Variants in KMT2C observed in about 807,000 individuals in gnomAD.
KMT2C encodes lysine methyltransferase 2C.
In KMT2C, 88 loss-of-function variants were observed where a neutral mutation model predicts 507.9. The ratio of observed to expected loss-of-function variants is 0.17; its 90% CI spans 0.15 to 0.21. The LOEUF (loss-of-function observed/expected upper bound fraction) is 0.21, where lower values mean the gene tolerates loss of function less well. KMT2C is among the 10% of genes least tolerant of loss of function. The pLI, the probability that KMT2C is intolerant of heterozygous loss-of-function variation, is 1.00. For missense variants in KMT2C, 4,954 were observed against 5,957.8 expected (o/e 0.83, Z 5.55); for synonymous variants, 2,049 against 2,080.8 (o/e 0.98, Z 0.42).
In KMT2C at chr7:152,222,029, T is replaced by C. The variant is rs1297429572; in HGVS notation, c.3471A>G (p.Ala1157=). The C allele has an allele frequency of 6.2e-7, 1 of 1,605,698 alleles. No homozygotes were observed. The highest frequency in any genetic ancestry group is 2.2e-5 in the East Asian group (1 of 44,542). ...GCTCTTTTACTTTTGTGACAATTTG[T>C]GCTACAAGTGAAGATTCACAGCAGT... ...SSDCCESSLV[A]QIVTKVKELD... The change falls in exon 22 of 59, where the codon GCA becomes GCG. Residue 1157 remains alanine (A), a synonymous_variant. Transcript: ENST00000262189.
chr7:152,334,147 C>T (rs2096910373), intron 2 of KMT2C, among the ~76,000 whole-genome samples: 1 of 152,082 alleles, frequency 6.6e-6, no homozygotes, highest in Non-Finnish European at 1.5e-5. Context: ...GAACAAGGCA[C>T]ATAAACCTGT....
chr7:152,274,269 G>A (rs923470305), intron 6 of KMT2C, among the ~76,000 whole-genome samples: 57 of 151,736 alleles, frequency 3.8e-4, no homozygotes, highest in Non-Finnish European at 8.8e-5. Context: ...TTATTTATGA[G>A]ACATATTACT....
intron 55 of KMT2C, among the ~76,000 whole-genome samples, chr7:152,141,168 A>G (rs2090488704): frequency 6.6e-6 from 1 of 152,162 alleles, no homozygotes; most frequent in Non-Finnish European, 1.5e-5. Context: ...TGAGCCCCAG[A>G]GGCAGAGGTT....
At chr7:152,245,275 C>T (rs4024459) in intron 14 of KMT2C, among the ~76,000 whole-genome samples, 6,707 of 151,630 alleles carry the variant, frequency 0.044, 233 homozygotes, top group South Asian at 0.09. Context: ...CCAATAATTC[C>T]GGAACTGCTG....
At chr7:152,310,504 G>A (rs1217087403) in intron 5 of KMT2C, among the ~76,000 whole-genome samples, 1 of 152,164 alleles carries the variant, frequency 6.6e-6, no homozygotes, top group Non-Finnish European at 1.5e-5. Context: ...GACAGAGGTT[G>A]CAGTGAGCTG....
At chr7:152,310,443 T>C (rs184240315) in intron 5 of KMT2C, among the ~76,000 whole-genome samples, 370 of 152,268 alleles carry the variant, frequency 2.4e-3, no homozygotes, top group African/African-American at 8.6e-3. Flanking sequence ...TGCACGCCTG[T>C]AATTCCAGCT....
At chr7:152,293,923 T>G (rs920076246) in intron 6 of KMT2C, among the ~76,000 whole-genome samples, 2 of 152,066 alleles carry the variant, frequency 1.3e-5, no homozygotes, top group African/African-American at 4.8e-5. Context: ...AGTGGTGCAA[T>G]CTCAGCTGAC....
At chr7:152,416,773 C>T (rs916270300) in intron 1 of KMT2C, among the ~76,000 whole-genome samples, 3 of 149,368 alleles carry the variant, frequency 2.0e-5, no homozygotes, top group East Asian at 2.0e-4. Flanking sequence ...GAGATCAAGC[C>T]GGGCACGGTG....
chr7:152,193,221 T>C (rs1250398099), intron 31 of KMT2C, among the ~76,000 whole-genome samples: 2 of 152,118 alleles, frequency 1.3e-5, no homozygotes, highest in Non-Finnish European at 2.9e-5. Flanking sequence ...CACGCCACCA[T>C]GCAACTCCAT....
chr7:152,355,407 G>A (rs577111195), intron 2 of KMT2C, among the ~76,000 whole-genome samples: 11 of 152,206 alleles, frequency 7.2e-5, no homozygotes, highest in South Asian at 2.1e-4. Context: ...AGCTGGTGAC[G>A]TAATTTTAGA....
At chr7:152,400,264 G>A (rs1046267426) in intron 1 of KMT2C, among the ~76,000 whole-genome samples, 6 of 151,364 alleles carry the variant, frequency 4.0e-5, no homozygotes, top group Non-Finnish European at 7.4e-5. Context: ...TGCCAAGATG[G>A]TACCACTGCA....
At chr7:152,355,898 G>A (rs1589406342) in intron 2 of KMT2C, among the ~76,000 whole-genome samples, 1 of 152,120 alleles carries the variant, frequency 6.6e-6, no homozygotes, top group Non-Finnish European at 1.5e-5. Context: ...GAGGCTATTT[G>A]TGTTGAAAGG....
chr7:152,152,295 CAA>C (rs2091691480), intron 49 of KMT2C, among the ~76,000 whole-genome samples: 1 of 152,174 alleles, frequency 6.6e-6, no homozygotes, highest in Admixed American at 6.5e-5. Context: ...AGAGGTAAAA[CAA>C]GAGGTAGGTG....
chr7:152,361,005 A>G (rs1391492474), intron 1 of KMT2C, among the ~76,000 whole-genome samples: 1 of 152,242 alleles, frequency 6.6e-6, no homozygotes, highest in Non-Finnish European at 1.5e-5. Context: ...AATGAAAATA[A>G]AAACTGAGAA....
intron 38 of KMT2C, among the ~76,000 whole-genome samples, 168 bp from the exon 39 acceptor site, chr7:152,174,410 G>A (rs1377341109): frequency 6.6e-6 from 1 of 152,094 alleles, no homozygotes; most frequent in Non-Finnish European, 1.5e-5. Context: ...GTCCTTAACT[G>A]AATCATGCTT....
intron 55 of KMT2C, among the ~76,000 whole-genome samples, chr7:152,140,139 G>A (rs866423857): frequency 3.9e-5 from 6 of 152,216 alleles, no homozygotes; most frequent in Non-Finnish European, 7.4e-5. Context: ...GACTTGTGGT[G>A]TTTATTTTAC....
At chr7:152,417,117 G>A (rs918206052) in intron 1 of KMT2C, among the ~76,000 whole-genome samples, 6 of 150,738 alleles carry the variant, frequency 4.0e-5, no homozygotes, top group Non-Finnish European at 8.8e-5. Context: ...TGCTTGCTAA[G>A]GCATCAAATA....
intron 6 of KMT2C, among the ~76,000 whole-genome samples, chr7:152,306,469 C>T (rs1048564866): frequency 6.6e-6 from 1 of 152,190 alleles, no homozygotes; most frequent in Non-Finnish European, 1.5e-5. Context: ...CATGGTACTC[C>T]ATTATATGGC....
chr7:152,207,229 C>T (rs967375782), intron 24 of KMT2C, 71 bp downstream of exon 24: 2 of 1,196,570 alleles, frequency 1.7e-6, no homozygotes. Context: ...TAATTGAAGT[C>T]TTCAGTATTG....
Sources: allele counts gnomAD v4.1 joint callset (sites outside exome capture counted in the v4.1 genomes callset), GRCh38; gene constraint gnomAD v4.1.1; transcripts MANE v1.5; gene names NCBI Gene and HGNC (gene_info 2026-07-23, HGNC 2026-07-21).